The following OSBPL1A variants were observed in gnomAD, a reference collection of about 807,000 sequenced individuals.
OSBPL1A encodes oxysterol-binding protein-related protein 1.
A neutral mutation model predicts 137.1 loss-of-function variants in OSBPL1A; 80 were observed. The observed-to-expected ratio is 0.58, with a 90% CI of 0.49 to 0.70. The LOEUF is 0.70. Ranked by LOEUF, OSBPL1A falls within the 30% of genes least tolerant of loss-of-function variation. The probability of loss-of-function intolerance (pLI) is 0.00; values close to 1 mark genes in which losing one functional copy is unlikely to be tolerated. For missense variants in OSBPL1A, 970 were observed against 1,129.4 expected (o/e 0.86, Z 2.02); for synonymous variants, 365 against 389.7 (o/e 0.94, Z 0.75).
At chr18:24,213,295 C>T (rs1220036743) in intron 17 of OSBPL1A, among the ~76,000 whole-genome samples, 1 of 152,188 alleles carries the variant, frequency 6.6e-6, no homozygotes, top group Non-Finnish European at 1.5e-5. Context: ...TGGCCAGGCA[C>T]AGTGGCTCAC....
chr18:24,307,370 T>C (rs2090523732), intron 13 of OSBPL1A, among the ~76,000 whole-genome samples: 1 of 152,258 alleles, frequency 6.6e-6, no homozygotes, highest in African/African-American at 2.4e-5. Context: ...GCGATTATTA[T>C]GCCCCTGCTT....
chr18:24,309,659 A>T (rs2090576750), intron 13 of OSBPL1A, among the ~76,000 whole-genome samples: 1 of 152,246 alleles, frequency 6.6e-6, no homozygotes, highest in African/African-American at 2.4e-5. Context: ...TCCTGGAGCC[A>T]GTCTACTGAC....
intron 14 of OSBPL1A, among the ~76,000 whole-genome samples, chr18:24,289,664 G>A (rs900631953): frequency 1.3e-5 from 2 of 151,952 alleles, no homozygotes; most frequent in Non-Finnish European, 2.9e-5. Flanking sequence ...CAGGTGATCT[G>A]CCGCCTCAGC....
At chr18:24,250,316 A>G (rs1016319481) in intron 15 of OSBPL1A, among the ~76,000 whole-genome samples, 2 of 152,144 alleles carry the variant, frequency 1.3e-5, no homozygotes, top group African/African-American at 4.8e-5. Context: ...AGCTGGAATT[A>G]CAGGTGCACG....
rs537715365 is a variant in OSBPL1A at position 24,290,556 on chromosome 18, G to A, written c.1175-9608C>T. 2.0e-5 allele frequency among the ~76,000 whole-genome samples: 3 copies of A among 152,278 alleles called. No individual in the cohort carries two copies. The East Asian group carries it at 5.8e-4, about 29-fold the overall frequency. On this transcript the variant is annotated intron_variant, in intron 14 of 27. Coordinates refer to ENST00000319481, the MANE Select transcript of OSBPL1A (RefSeq NM_080597.4). Reference sequence around the variant, plus strand: ...GTATTACCCAGACGTGGCAGTGTGTGCTTGTAGTCCCAGCTAATTGGGAGG... The same window carrying A: ...GTATTACCCAGACGTGGCAGTGTGTACTTGTAGTCCCAGCTAATTGGGAGG...
chr18:24,306,208 A>T (rs1289000126), intron 13 of OSBPL1A, among the ~76,000 whole-genome samples: 2 of 152,172 alleles, frequency 1.3e-5, no homozygotes, highest in Non-Finnish European at 2.9e-5. Context: ...ATCAGAAGTT[A>T]CCCCAGGTGA....
chr18:24,176,238 T>C (rs185850975), intron 21 of OSBPL1A, among the ~76,000 whole-genome samples: 2 of 152,302 alleles, frequency 1.3e-5, no homozygotes, highest in Non-Finnish European at 1.5e-5. Flanking sequence ...ACAGACTGCT[T>C]ATAGATCAGT....
intron 18 of OSBPL1A, among the ~76,000 whole-genome samples, chr18:24,191,444 A>T (rs1228829053): frequency 1.3e-5 from 2 of 152,200 alleles, no homozygotes; most frequent in African/African-American, 4.8e-5. Context: ...ACAAGAACAT[A>T]ACTGTTACTG....
intron 2 of OSBPL1A, 118 bp from the exon 3 acceptor site, chr18:24,368,490 T>G (rs910836281): frequency 1.4e-6 from 1 of 734,144 alleles, no homozygotes; most frequent in Non-Finnish European, 2.4e-6. Context: ...TGCTGATAAG[T>G]GAGAGGCAAG....
At chr18:24,200,966 C>T (rs950312736) in intron 17 of OSBPL1A, among the ~76,000 whole-genome samples, 1 of 151,884 alleles carries the variant, frequency 6.6e-6, no homozygotes, top group Non-Finnish European at 1.5e-5. Context: ...AGAGAATTCC[C>T]GAATGGTGTT....
intron 14 of OSBPL1A, among the ~76,000 whole-genome samples, chr18:24,297,040 T>G (rs1235630699): frequency 1.3e-5 from 2 of 152,218 alleles, no homozygotes; most frequent in African/African-American, 4.8e-5. Context: ...GGATTCCTTC[T>G]TTCTCTTTCT....
chr18:24,361,880 C>G (rs939782254), intron 4 of OSBPL1A, among the ~76,000 whole-genome samples: 1 of 151,864 alleles, frequency 6.6e-6, no homozygotes, highest in African/African-American at 2.4e-5. Flanking sequence ...GCCTGTAATT[C>G]CAGCTACTCA....
chr18:24,341,508 A>G (rs1001744145), intron 5 of OSBPL1A, 39 bp downstream of exon 5: 1 of 1,493,452 alleles, frequency 6.7e-7, no homozygotes, highest in African/African-American at 1.4e-5. Context: ...GGTTATAATG[A>G]AAGTAAATGC....
At chr18:24,285,899 G>A (rs1243052225) in intron 14 of OSBPL1A, among the ~76,000 whole-genome samples, 1 of 152,148 alleles carries the variant, frequency 6.6e-6, no homozygotes, top group Admixed American at 6.5e-5. Context: ...GTTGATACCT[G>A]TAATCCCAGC....
At chr18:24,323,407 G>GC (rs768167445) in intron 7 of OSBPL1A, among the ~76,000 whole-genome samples, 3,446 of 88,586 alleles carry the variant, frequency 0.039, 624 homozygotes, top group Middle Eastern at 0.071. Flanking sequence ...ACAAAAATTA[G>GC]CAGAGACGGG....
chr18:24,208,503 G>A (rs2087437335), intron 17 of OSBPL1A, among the ~76,000 whole-genome samples: 2 of 152,128 alleles, frequency 1.3e-5, no homozygotes, highest in Admixed American at 1.3e-4. Context: ...GGGGCATAAG[G>A]AACCACAGAG....
In OSBPL1A at chr18:24,281,066, A is replaced by G. The variant is rs879120805; in HGVS notation, c.1175-118T>C. The G allele has an allele frequency of 4.4e-5, 25 of 573,494 alleles. No individual in the cohort carries two copies. In the South Asian group the frequency reaches 7.3e-4, roughly 17 times the overall value. The allele number at this position is 573,494 out of a possible 1,614,324, so 35.5% of individuals were successfully genotyped here. Reference sequence around the variant, plus strand: ...ATCTTTCCATCTAGCTATCTTAAGCAAAACATATCATGTTTCTTTTCTTTT... The same window carrying G: ...ATCTTTCCATCTAGCTATCTTAAGCGAAACATATCATGTTTCTTTTCTTTT... On this transcript the variant is annotated intron_variant, in intron 14 of 27. Transcript: ENST00000319481.
At position 24,239,322 on chromosome 18, in the gene OSBPL1A, C is replaced by G; in HGVS notation, c.1342G>C (p.Glu448Gln). 6.2e-7 allele frequency: 1 copy of G among 1,614,082 alleles called. No homozygotes were observed. The highest frequency in any genetic ancestry group is 1.1e-5 in the South Asian group (1 of 91,082). The change falls in exon 16 of 28, where the codon GAG (glutamate) becomes CAG (glutamine). Residue 448 changes from glutamate to glutamine, a missense_variant. By Grantham distance (29) the Glu-to-Gln change is conservative. Transcript: ENST00000319481. ...EKNKILSEAL[E>Q]TLATEHHELE... ...TCATGATGTTCAGTGGCCAGCGTCTCCAGTGCTTCTGACAAGATTTTGTTT... is the reference window on the plus strand; with the variant it reads ...TCATGATGTTCAGTGGCCAGCGTCTGCAGTGCTTCTGACAAGATTTTGTTT...
In OSBPL1A at chr18:24,234,062, G is replaced by A. The variant is rs370202090; in HGVS notation, c.1444+5158C>T. 2.0e-5 allele frequency among the ~76,000 whole-genome samples: 3 copies of A among 152,226 alleles called. No individual in the cohort carries two copies. In the South Asian group the frequency reaches 6.2e-4, roughly 32 times the overall value. ...AGGAGTCAGGAAAGGCTACCCAGGA[G>A]AAGAGGTATTTGAGAGCCTTGGTGG... is the stretch of plus-strand genomic sequence containing the variant. On this transcript the variant is annotated intron_variant, in intron 16 of 27. Transcript: ENST00000319481.
Sources: allele counts gnomAD v4.1 joint callset (sites outside exome capture counted in the v4.1 genomes callset), GRCh38; gene constraint gnomAD v4.1.1; transcripts MANE v1.5; gene names NCBI Gene and HGNC (gene_info 2026-07-23, HGNC 2026-07-21).